Variants in RAD51C observed in about 807,000 individuals in gnomAD.
RAD51C encodes DNA repair protein RAD51 homolog 3.
RAD51C carries 42 observed loss-of-function variants against 45.0 expected under a neutral mutation model. The observed-to-expected ratio is 0.93, with a 90% CI of 0.73 to 1.21. The LOEUF is 1.21. Among genes scored for constraint, RAD51C ranks in the 50% most tolerant of loss-of-function variants. The pLI is 0.00. For missense variants in RAD51C, 474 were observed against 452.2 expected, an observed-to-expected ratio of 1.05 and a Z score of -0.44; for synonymous variants, 172 against 159.8, an observed-to-expected ratio of 1.08 and a Z score of -0.58.
chr17:58,713,127 A>G (rs1197597473), intron 5 of RAD51C, among the ~76,000 whole-genome samples: 2 of 152,142 alleles, frequency 1.3e-5, no homozygotes, highest in African/African-American at 4.8e-5. Flanking sequence ...CCCTGTCTTC[A>G]AAAACACAAA....
intron 5 of RAD51C, among the ~76,000 whole-genome samples, chr17:58,719,921 G>A (rs1394936504): frequency 3.3e-5 from 5 of 150,482 alleles, no homozygotes; most frequent in Non-Finnish European, 7.4e-5. Flanking sequence ...GTAGAGACAG[G>A]GTTTCACCGT....
At chr17:58,709,567 A>G (rs1026087983) in intron 4 of RAD51C, 3 of 249,518 alleles carry the variant, frequency 1.2e-5, no homozygotes, top group South Asian at 5.3e-5. Context: ...TTCCAATGCT[A>G]TGTTTTTTTC....
At chr17:58,718,087 CCTGG>C (rs1435594078) in intron 5 of RAD51C, among the ~76,000 whole-genome samples, 1 of 152,062 alleles carries the variant, frequency 6.6e-6, no homozygotes, top group African/African-American at 2.4e-5. Context: ...ACCTCTGCCT[CCTGG>C]ATTTCAGTGA....
rs768965452 is a variant in RAD51C at position 58,734,244 on chromosome 17, G to T, written c.*22G>T. On this transcript the variant is annotated 3_prime_UTR_variant, in exon 9 of 9. Transcript: ENST00000337432. The stretch of plus-strand genomic sequence containing the variant: ...ATAACCCAGAAACAAATCTCAAAGT[G>T]TACAAATTTATTGATGTTGTGAAAT... 1.9e-6 allele frequency: 3 copies of T among 1,600,828 alleles called. No individual in the cohort carries two copies. Among genetic ancestry groups the T allele is most frequent in the Non-Finnish European group, 2.6e-6 (3 of 1,171,730 alleles).
intron 7 of RAD51C, among the ~76,000 whole-genome samples, chr17:58,724,971 G>GA (rs2049063459): frequency 6.6e-6 from 1 of 152,058 alleles, no homozygotes; most frequent in Admixed American, 6.6e-5. Context: ...TCTACAAACT[G>GA]AAAAAAATCC....
In RAD51C at chr17:58,705,349, G is replaced by T. The variant is rs1011670607; in HGVS notation, c.705+2020G>T. On this transcript the variant is annotated intron_variant, in intron 4 of 8. Transcript: ENST00000337432. ...CTGGTGTTTTTTCTTTTTTTTGGGG[G>T]GGGGGTGGAGTTTCGCTTTTGTCAC... is the stretch of plus-strand genomic sequence containing the variant. 6.0e-5 allele frequency among the ~76,000 whole-genome samples: 9 copies of T among 150,968 alleles called. No individual in the cohort carries two copies. The South Asian group carries it at 1.7e-3, about 28-fold the overall frequency.
chr17:58,715,837 GC>G (rs2048713732), intron 5 of RAD51C, among the ~76,000 whole-genome samples: 1 of 152,166 alleles, frequency 6.6e-6, no homozygotes. Flanking sequence ...TGGCATGGTG[GC>G]TCACGCCTGT....
At chr17:58,708,094 T>C (rs1205432549) in intron 4 of RAD51C, among the ~76,000 whole-genome samples, 3 of 152,210 alleles carry the variant, frequency 2.0e-5, no homozygotes, top group Non-Finnish European at 2.9e-5. Flanking sequence ...TGTGGAGTCA[T>C]GAAAAATCGA....
chr17:58,706,601 G>T (rs999097662), intron 4 of RAD51C: 2 of 421,888 alleles, frequency 4.7e-6, no homozygotes, highest in African/African-American at 2.1e-5. Flanking sequence ...TTGCCCCCTG[G>T]GCTTATGGTA....
At position 58,725,395 on chromosome 17, in the gene RAD51C, T is replaced by C. The variant is rs2049082165; in HGVS notation, c.965+1295T>C. Among the ~76,000 whole-genome samples the C allele has an allele frequency of 1.3e-5, 2 of 152,222 alleles. 1 individual carries two copies. The highest frequency in any genetic ancestry group is 4.1e-4 in the South Asian group (2 of 4,826). ...TGCTTATACTTTCCCAGTTTTAGGT[T>C]ATTCTGTAAAGCACATTCCGTCATT... On this transcript the variant is annotated intron_variant, in intron 7 of 8. Coordinates refer to ENST00000337432, the MANE Select transcript of RAD51C (RefSeq NM_058216.3).
chr17:58,696,303 G>A (rs746006604), intron 2 of RAD51C, among the ~76,000 whole-genome samples: 1 of 151,732 alleles, frequency 6.6e-6, no homozygotes, highest in Non-Finnish European at 1.5e-5. Context: ...CGTGGTGGCG[G>A]GTGCTTGTAG....
At chr17:58,700,736 G>A (rs1341591440) in intron 3 of RAD51C, among the ~76,000 whole-genome samples, 1 of 151,932 alleles carries the variant, frequency 6.6e-6, no homozygotes, top group African/African-American at 2.4e-5. Flanking sequence ...CACCACACCT[G>A]GCCTAAAGTT....
chr17:58,714,183 C>T (rs1264807997), intron 5 of RAD51C, among the ~76,000 whole-genome samples: 1 of 152,024 alleles, frequency 6.6e-6, no homozygotes, highest in African/African-American at 2.4e-5. Context: ...TGGGGTTTCA[C>T]CATGTTGGCC....
chr17:58,699,197 G>A (rs1157763280), intron 3 of RAD51C, among the ~76,000 whole-genome samples: 1 of 151,848 alleles, frequency 6.6e-6, no homozygotes, highest in Non-Finnish European at 1.5e-5. Flanking sequence ...TAGCAGAGAT[G>A]GAGTTTCACC....
intron 4 of RAD51C, among the ~76,000 whole-genome samples, chr17:58,704,761 G>A (rs1000392793): frequency 3.3e-5 from 5 of 151,826 alleles, no homozygotes; most frequent in East Asian, 1.9e-4. Context: ...AACACATATC[G>A]CCCTTCAGAA....
At position 58,693,313 on chromosome 17, in the gene RAD51C, A is replaced by G. The variant is rs190134830; in HGVS notation, c.145+525A>G. 4.1e-4 allele frequency: 69 copies of G among 167,340 alleles called. 1 individual carries two copies. The South Asian group carries it at 4.6e-3, about 11-fold the overall frequency. 10.4% of individuals were successfully genotyped at this position (167,340 alleles called of 1,614,324 possible). On this transcript the variant is annotated intron_variant, in intron 1 of 8. Coordinates refer to ENST00000337432, the MANE Select transcript of RAD51C (RefSeq NM_058216.3). ...GGAAGCATAGAAAGAATATTCTCTTACGTAATTAACTGAAACACCCAAAAC... is the reference window on the plus strand; with the variant it reads ...GGAAGCATAGAAAGAATATTCTCTTGCGTAATTAACTGAAACACCCAAAAC...
chr17:58,725,381 T>C (rs896553425), intron 7 of RAD51C, among the ~76,000 whole-genome samples: 4 of 152,196 alleles, frequency 2.6e-5, no homozygotes, highest in African/African-American at 7.2e-5. Context: ...GCTTATACTT[T>C]CCCAGTTTTA....
In RAD51C at chr17:58,695,188, T is replaced by C. The variant is rs878855178; in HGVS notation, c.403T>C (p.Cys135Arg). 2.5e-6 allele frequency: 4 copies of C among 1,610,554 alleles called. No individual in the cohort carries two copies. The highest frequency in any genetic ancestry group is 1.1e-5 in the South Asian group (1 of 90,808). The change falls in exon 2 of 9, where the codon TGT (cysteine) becomes CGT (arginine). Residue 135 changes from cysteine to arginine, a missense_variant and splice_region_variant. By Grantham distance (180) the Cys-to-Arg change is radical. Coordinates refer to ENST00000337432, the MANE Select transcript of RAD51C (RefSeq NM_058216.3). ...GAPGVGKTQL[C>R]MQLAVDVQIP... The stretch of plus-strand genomic sequence containing the variant: ...ACCAGGTGTTGGAAAAACACAATTA[T>C]GGTAAAATAAAGTGTTCTCCTTTTA...
intron 3 of RAD51C, among the ~76,000 whole-genome samples, chr17:58,697,567 A>G (rs1337367323): frequency 6.6e-6 from 1 of 151,390 alleles, no homozygotes; most frequent in East Asian, 1.9e-4. Context: ...ACCAAAAAAA[A>G]AAACCACGTC....
Sources: allele counts gnomAD v4.1 joint callset (sites outside exome capture counted in the v4.1 genomes callset), GRCh38; gene constraint gnomAD v4.1.1; transcripts MANE v1.5; gene names NCBI Gene and HGNC (gene_info 2026-07-23, HGNC 2026-07-21).